The following KCNQ1 variants were observed in gnomAD, a reference collection of about 807,000 sequenced individuals.
The protein encoded by KCNQ1 is potassium voltage-gated channel subfamily KQT member 1.
In KCNQ1, 49 loss-of-function variants were observed where a neutral mutation model predicts 72.4. That is an observed-to-expected ratio of 0.68 (90% CI 0.54 to 0.86). The LOEUF is 0.86. KCNQ1 is among the 40% of genes least tolerant of loss of function. The pLI, the probability that KCNQ1 is intolerant of heterozygous loss-of-function variation, is 0.00. For missense variants in KCNQ1, 790 were observed against 945.1 expected (o/e 0.84, Z 2.15); for synonymous variants, 450 against 412.6 (o/e 1.09, Z -1.10).
intron 11 of KCNQ1, chr11:2,700,115 TG>T (rs1305423975): frequency 1.3e-5 from 5 of 397,304 alleles, no homozygotes; most frequent in African/African-American, 1.0e-4. Context: ...ACGGATTGGC[TG>T]GGTGCGGAAA....
intron 11 of KCNQ1, among the ~76,000 whole-genome samples, chr11:2,732,583 G>A (rs1845873850): frequency 6.6e-6 from 1 of 152,190 alleles, no homozygotes; most frequent in Admixed American, 6.5e-5. Flanking sequence ...GCGAGCGAAG[G>A]GGCCCGAGGC....
chr11:2,446,263 C>A lies in KCNQ1; in HGVS notation c.386+779C>A, dbSNP rs754702371. ...CCTGGGAAGTCACCTCCGGGAAGGT[C>A]CAGGCTGCTCTCCTCCATGCCTGCC... On this transcript the variant is annotated intron_variant, in intron 1 of 15. Coordinates refer to ENST00000155840, the MANE Select transcript of KCNQ1 (RefSeq NM_000218.3). The surrounding 1 kb of genome is among the most constrained non-coding windows in gnomAD (Gnocchi z 8.8). Among the ~76,000 whole-genome samples the A allele has an allele frequency of 2.6e-5, 4 of 152,176 alleles. No individual in the cohort carries two copies. Among genetic ancestry groups the A allele is most frequent in the Non-Finnish European group, 5.9e-5 (4 of 68,022 alleles).
At chr11:2,701,647 A>T (rs996975863) in intron 11 of KCNQ1, among the ~76,000 whole-genome samples, 1 of 152,200 alleles carries the variant, frequency 6.6e-6, no homozygotes, top group Non-Finnish European at 1.5e-5. Context: ...GGAGCTTGGA[A>T]CTTCAGCTCC....
rs1241147422 is a variant in KCNQ1 at position 2,588,664 on chromosome 11, T to C, written c.1252-49T>C. 1 of 1,609,210 alleles carries C rather than the reference T, an allele frequency of 6.2e-7. No individual in the cohort carries two copies. Reference sequence around the variant, plus strand: ...GGCACTCTGGGGCCGGCGTAGGGCCTGGCAGACGATGTCCAGGAACCGCTA... The same window carrying C: ...GGCACTCTGGGGCCGGCGTAGGGCCCGGCAGACGATGTCCAGGAACCGCTA... On this transcript the variant is annotated intron_variant, in intron 9 of 15. Transcript: ENST00000155840. The surrounding 1 kb of genome is among the most constrained non-coding windows in gnomAD (Gnocchi z 5.6).
At chr11:2,552,214 GA>G (rs1847993778) in intron 2 of KCNQ1, among the ~76,000 whole-genome samples, 1 of 151,842 alleles carries the variant, frequency 6.6e-6, no homozygotes, top group Non-Finnish European at 1.5e-5. Context: ...GTTTTCTGTA[GA>G]AATTTTATAG....
chr11:2,600,777 A>T lies in KCNQ1; in HGVS notation c.1393+11923A>T, dbSNP rs945609870. 9.9e-5 allele frequency among the ~76,000 whole-genome samples: 15 copies of T among 151,844 alleles called. No homozygotes were observed. Among genetic ancestry groups the T allele is most frequent in the Non-Finnish European group, 1.9e-4 (13 of 67,956 alleles). On this transcript the variant is annotated intron_variant, in intron 10 of 15. Transcript: ENST00000155840. This position sits in a 1 kb window ranked among gnomAD's most constrained non-coding sequence, Gnocchi z 5.6. ...TCTTCAGTCTTGTTTAATCTGGAAC[A>T]TTTCTAGTCTCTTTCTCTGTTATGA...
Position 2,765,386 on chromosome 11 carries a change from T to G in KCNQ1, c.1515-3458T>G, listed in dbSNP as rs117143472. Among the ~76,000 whole-genome samples, 1,384 of 152,310 alleles carry G rather than the reference T, an allele frequency of 9.1e-3. 9 individuals carry two copies. The highest frequency in any genetic ancestry group is 0.013 in the Non-Finnish European group (914 of 68,022). On this transcript the variant is annotated intron_variant, in intron 11 of 15. Transcript: ENST00000155840. Reference sequence around the variant, plus strand: ...AAATATGATTTGCCTGCTTTGAAATTTGTTGGAACTTGCTTCTGAAGTCTT... The same window carrying G: ...AAATATGATTTGCCTGCTTTGAAATGTGTTGGAACTTGCTTCTGAAGTCTT...
At position 2,589,071 on chromosome 11, in the gene KCNQ1, C is replaced by A. The variant is rs896557163; in HGVS notation, c.1393+217C>A. Among the ~76,000 whole-genome samples, 3 of 152,308 alleles carry A rather than the reference C, an allele frequency of 2.0e-5. No individual in the cohort carries two copies. In the East Asian group the frequency reaches 5.8e-4, roughly 29 times the overall value. On this transcript the variant is annotated intron_variant, in intron 10 of 15. Transcript: ENST00000155840. ...GAGGAGCTGGCCACGCCTTCTGTTG[C>A]GAGAGGAAGCCTGGGCAGGTGATGG... is the stretch of plus-strand genomic sequence containing the variant.
intron 11 of KCNQ1, among the ~76,000 whole-genome samples, chr11:2,721,171 C>T (rs1851196114): frequency 6.6e-6 from 1 of 152,178 alleles, no homozygotes; most frequent in African/African-American, 2.4e-5. Context: ...GCCAGACCAA[C>T]TCCAGGGAGA....
At position 2,471,728 on chromosome 11, in the gene KCNQ1, G is replaced by A. The variant is rs535102477; in HGVS notation, c.386+26244G>A. Among the ~76,000 whole-genome samples the A allele has an allele frequency of 1.8e-3, 247 of 140,210 alleles. 1 individual carries two copies. The highest frequency in any genetic ancestry group is 7.1e-3 in the African/African-American group (237 of 33,464). The allele number at this position is 140,210 out of a possible 152,430, so 92.0% of individuals were successfully genotyped here. On this transcript the variant is annotated intron_variant, in intron 1 of 15. Coordinates refer to ENST00000155840, the MANE Select transcript of KCNQ1 (RefSeq NM_000218.3). The surrounding 1 kb of genome is among the most constrained non-coding windows in gnomAD (Gnocchi z 4.8). ...TAGGTGTGTGTATGTGTGCATGGGC[G>A]TGTGTATGTGTGCATGGGCGTGTGT...
chr11:2,721,827 G>GTCCA (rs1267754634), intron 11 of KCNQ1, among the ~76,000 whole-genome samples: 2 of 152,354 alleles, frequency 1.3e-5, no homozygotes, highest in Admixed American at 1.3e-4. Context: ...GGAGCTGTCT[G>GTCCA]TCCATCCATC....
At position 2,642,029 on chromosome 11, in the gene KCNQ1, C is replaced by T. The variant is rs1421452737; in HGVS notation, c.1394-19932C>T. The T allele has an allele frequency of 2.5e-6, 1 of 398,138 alleles. No homozygotes were observed. Among genetic ancestry groups the T allele is most frequent in the Non-Finnish European group, 4.4e-6 (1 of 225,874 alleles). The allele number at this position is 398,138 out of a possible 1,614,324, so 24.7% of individuals were successfully genotyped here. A position where few individuals can be genotyped will look rare whatever the true frequency, so the allele number is the denominator to read the frequency against. The stretch of plus-strand genomic sequence containing the variant: ...TACCATGCTGCTTTTAATGCTATAG[C>T]CTTATATTTTTAAATCAGGCAGTGT... On this transcript the variant is annotated intron_variant, in intron 10 of 15. Coordinates refer to ENST00000155840, the MANE Select transcript of KCNQ1 (RefSeq NM_000218.3). This position sits in a 1 kb window ranked among gnomAD's most constrained non-coding sequence, Gnocchi z 4.3.
intron 11 of KCNQ1, chr11:2,694,289 G>T: frequency 2.5e-6 from 1 of 398,702 alleles, no homozygotes; most frequent in Non-Finnish European, 4.4e-6. Context: ...CACCATCCCA[G>T]TCCCAAGAGC....
chr11:2,474,821 G>A (rs1846547466), intron 1 of KCNQ1, among the ~76,000 whole-genome samples: 2 of 134,304 alleles, frequency 1.5e-5, no homozygotes, highest in Non-Finnish European at 3.4e-5. Flanking sequence ...GTGATGGTGT[G>A]GTGGTGCTCA....
chr11:2,763,097 T>G (rs1846434992), intron 11 of KCNQ1, among the ~76,000 whole-genome samples: 1 of 152,232 alleles, frequency 6.6e-6, no homozygotes, highest in South Asian at 2.1e-4. Context: ...ACTGTGATAT[T>G]GATTGGAATC....
rs1163990915 is a variant in KCNQ1 at position 2,669,312 on chromosome 11, A to G, written c.1514+7231A>G. The stretch of plus-strand genomic sequence containing the variant: ...CCTCACCATACATATGCCAGTTGCC[A>G]TGGAAAGCCTCCTCTAGGCGCAGCA... On this transcript the variant is annotated intron_variant, in intron 11 of 15. Transcript: ENST00000155840. This position sits in a 1 kb window ranked among gnomAD's most constrained non-coding sequence, Gnocchi z 5.6. The G allele has an allele frequency of 2.0e-5, 8 of 398,486 alleles. No homozygotes were observed. The Admixed American group carries it at 2.6e-4, about 13-fold the overall frequency. The allele number at this position is 398,486 out of a possible 1,614,324, so 24.7% of individuals were successfully genotyped here.
intron 1 of KCNQ1, among the ~76,000 whole-genome samples, chr11:2,496,465 TA>T (rs202080434): frequency 7.6e-6 from 1 of 132,362 alleles, no homozygotes; most frequent in African/African-American, 2.8e-5. Flanking sequence ...AAAATAAAAT[TA>T]AAAAAAATGG....
intron 11 of KCNQ1, among the ~76,000 whole-genome samples, chr11:2,721,714 C>T (rs575046052): frequency 3.3e-5 from 5 of 152,314 alleles, no homozygotes; most frequent in East Asian, 1.9e-4. Flanking sequence ...GGCCTCCGGC[C>T]GTTTGTCTCT....
At chr11:2,660,432 A>G (rs1459970544) in intron 10 of KCNQ1, 1 of 398,490 alleles carries the variant, frequency 2.5e-6, no homozygotes, top group East Asian at 3.6e-5. Context: ...AACATAAAAC[A>G]TTTTCTAGGA....
Sources: allele counts gnomAD v4.1 joint callset (sites outside exome capture counted in the v4.1 genomes callset), GRCh38; gene constraint gnomAD v4.1.1; non-coding constraint Gnocchi (gnomAD v3.1); transcripts MANE v1.5; gene names NCBI Gene and HGNC (gene_info 2026-07-23, HGNC 2026-07-21).